The following PRKACB variants were observed in gnomAD, a reference collection of about 807,000 sequenced individuals.
The protein encoded by PRKACB is protein kinase cAMP-activated catalytic subunit beta.
In PRKACB, 16 loss-of-function variants were observed where a neutral mutation model predicts 51.4. The ratio of observed to expected loss-of-function variants is 0.31; its 90% CI spans 0.21 to 0.47. The LOEUF is 0.47. PRKACB is among the 20% of genes least tolerant of loss of function. PRKACB has a pLI of 1.00. For synonymous variants in PRKACB, 147 were observed against 154.4 expected (o/e 0.95, Z 0.35); for missense variants, 309 against 464.5 (o/e 0.67, Z 3.08).
chr1:84,234,678 C>G (rs992814095), intron 9 of PRKACB, among the ~76,000 whole-genome samples: 1 of 151,938 alleles, frequency 6.6e-6, no homozygotes. Flanking sequence ...CCTGATTTTC[C>G]AGGTGCCGTC....
intron 1 of PRKACB, among the ~76,000 whole-genome samples, chr1:84,126,520 G>T (rs548712655): frequency 1.3e-5 from 2 of 152,252 alleles, no homozygotes; most frequent in African/African-American, 4.8e-5. Context: ...CACTCTGCTG[G>T]TGGGGCTTGG....
chr1:84,185,292 C>A, intron 5 of PRKACB, 110 bp downstream of exon 5: 1 of 713,272 alleles, frequency 1.4e-6, no homozygotes, highest in Non-Finnish European at 2.3e-6. Context: ...AATATTTTGG[C>A]CATATGAAGC....
At chr1:84,229,063 C>A (rs1184291803) in intron 9 of PRKACB, among the ~76,000 whole-genome samples, 1 of 141,922 alleles carries the variant, frequency 7.0e-6, no homozygotes, top group Non-Finnish European at 1.5e-5. Context: ...GTATATCTCC[C>A]AATGCTATCC....
intron 1 of PRKACB, among the ~76,000 whole-genome samples, chr1:84,165,503 A>C (rs1326425787): frequency 3.3e-5 from 5 of 151,756 alleles, no homozygotes; most frequent in Non-Finnish European, 7.4e-5. Flanking sequence ...CCTACAATTT[A>C]TTGAGAAATA....
rs902777243 is a variant in PRKACB at position 84,205,317 on chromosome 1, C to G, written c.906+2512C>G. ...CTCAAATTCAAACTAGAATGTGTCT[C>G]TATTCACATTGCAAAAATATTATTG... On this transcript the variant is annotated intron_variant, in intron 8 of 9. Coordinates refer to ENST00000370685, the MANE Select transcript of PRKACB (RefSeq NM_182948.4). 3.2e-6 allele frequency: 3 copies of G among 942,362 alleles called. No homozygotes were observed. The East Asian group carries it at 3.5e-4, about 110-fold the overall frequency. The allele number at this position is 942,362 out of a possible 1,614,324, so 58.4% of individuals were successfully genotyped here. A position where few individuals can be genotyped will look rare whatever the true frequency, so the allele number is the denominator to read the frequency against.
At chr1:84,232,311 T>C (rs1163311461) in intron 9 of PRKACB, among the ~76,000 whole-genome samples, 1 of 152,180 alleles carries the variant, frequency 6.6e-6, no homozygotes, top group East Asian at 1.9e-4. Context: ...TCTGTTCTTT[T>C]ACATTTGCTG....
intron 7 of PRKACB, among the ~76,000 whole-genome samples, chr1:84,199,024 TAC>T (rs1669100169): frequency 6.8e-6 from 1 of 148,062 alleles, no homozygotes; most frequent in Non-Finnish European, 1.5e-5. Context: ...TGCGTATATA[TAC>T]ACATATATAC....
At chr1:84,078,646 C>T (rs148963792) in intron 1 of PRKACB, among the ~76,000 whole-genome samples, 6 of 152,286 alleles carry the variant, frequency 3.9e-5, no homozygotes, top group Admixed American at 3.3e-4. Flanking sequence ...AGGACTTGCA[C>T]ACGTTCTGGA....
intron 1 of PRKACB, among the ~76,000 whole-genome samples, chr1:84,117,321 G>A (rs1650714671): frequency 6.6e-6 from 1 of 152,000 alleles, no homozygotes. Context: ...CTTGTAGAAT[G>A]AGTTAGGGAG....
At position 84,115,611 on chromosome 1, in the gene PRKACB, G is replaced by A. The variant is rs143233768; in HGVS notation, c.46+37240G>A. 7.3e-5 allele frequency among the ~76,000 whole-genome samples: 11 copies of A among 151,724 alleles called. No homozygotes were observed. In the East Asian group the frequency reaches 1.8e-3, roughly 24 times the overall value. Reference sequence around the variant, plus strand: ...TAAATTCTTTGCCTAGGCCAGGTGCGGTGGCTCACGCCTATAATCTCAGCA... The same window carrying A: ...TAAATTCTTTGCCTAGGCCAGGTGCAGTGGCTCACGCCTATAATCTCAGCA... On this transcript the variant is annotated intron_variant, in intron 1 of 8. Transcript: ENST00000370688.
chr1:84,192,956 A>G (rs1667219954), intron 5 of PRKACB, among the ~76,000 whole-genome samples: 1 of 152,186 alleles, frequency 6.6e-6, no homozygotes, highest in African/African-American at 2.4e-5. Flanking sequence ...CCAAATAAAC[A>G]CAAGCACCAA....
intron 1 of PRKACB, among the ~76,000 whole-genome samples, chr1:84,166,419 G>A (rs544354906): frequency 1.3e-5 from 2 of 151,760 alleles, no homozygotes; most frequent in South Asian, 2.1e-4. Context: ...GGATGGATTG[G>A]ATTTAGCTGA....
At chr1:84,153,716 T>C (rs1011577194) in intron 1 of PRKACB, among the ~76,000 whole-genome samples, 7 of 152,186 alleles carry the variant, frequency 4.6e-5, no homozygotes, top group Non-Finnish European at 1.0e-4. Context: ...TCTTCCAGGT[T>C]CATTCACTCT....
At chr1:84,123,185 A>T (rs940186823) in intron 1 of PRKACB, among the ~76,000 whole-genome samples, 11 of 152,120 alleles carry the variant, frequency 7.2e-5, no homozygotes, top group African/African-American at 2.4e-4. Context: ...ATTGGAATAG[A>T]ATACCACATA....
intron 1 of PRKACB, among the ~76,000 whole-genome samples, chr1:84,130,937 AG>A (rs1356186820): frequency 6.6e-6 from 1 of 152,230 alleles, no homozygotes; most frequent in Non-Finnish European, 1.5e-5. Flanking sequence ...AGAAATAAAA[AG>A]TTAACAATAT....
Position 84,237,646 on chromosome 1 carries a change from A to G in PRKACB, c.*2341A>G, listed in dbSNP as rs2101744538. 6.6e-6 allele frequency: 1 copy of G among 152,324 alleles called. No individual in the cohort carries two copies. The highest frequency in any genetic ancestry group is 1.9e-4 in the East Asian group (1 of 5,190). The allele number at this position is 152,324 out of a possible 1,614,324, so 9.4% of individuals were successfully genotyped here. Reference sequence around the variant, plus strand: ...TTAGAATATTTTTAAAGTATGTAACATTCCCAGTTTCAGCCACAATTTAGC... The same window carrying G: ...TTAGAATATTTTTAAAGTATGTAACGTTCCCAGTTTCAGCCACAATTTAGC... On this transcript the variant is annotated 3_prime_UTR_variant, in exon 10 of 10. Transcript: ENST00000370685.
intron 5 of PRKACB, among the ~76,000 whole-genome samples, chr1:84,185,945 CAG>C (rs1664962490): frequency 6.6e-6 from 1 of 152,120 alleles, no homozygotes; most frequent in Non-Finnish European, 1.5e-5. Flanking sequence ...GGCATATACA[CAG>C]ACTAGGTGGT....
intron 1 of PRKACB, among the ~76,000 whole-genome samples, chr1:84,104,121 C>A (rs372804820): frequency 6.6e-6 from 1 of 152,082 alleles, no homozygotes; most frequent in Non-Finnish European, 1.5e-5. Flanking sequence ...TCTGTAGTAA[C>A]CCACAATTAT....
chr1:84,235,650 T>C lies in PRKACB; in HGVS notation c.*345T>C, dbSNP rs1676598816. 2.6e-5 allele frequency: 5 copies of C among 189,160 alleles called. No individual in the cohort carries two copies. The highest frequency in any genetic ancestry group is 5.4e-5 in the Non-Finnish European group (5 of 92,428). The allele number at this position is 189,160 out of a possible 1,614,324, so 11.7% of individuals were successfully genotyped here. On this transcript the variant is annotated 3_prime_UTR_variant, in exon 10 of 10. Coordinates refer to ENST00000370685, the MANE Select transcript of PRKACB (RefSeq NM_182948.4). Reference sequence around the variant, plus strand: ...TTTTGTTGGTGTTTCAGATGGGCAGTGTTATGGCTACGTGATATTTGAAGG... The same window carrying C: ...TTTTGTTGGTGTTTCAGATGGGCAGCGTTATGGCTACGTGATATTTGAAGG...
Sources: allele counts gnomAD v4.1 joint callset (sites outside exome capture counted in the v4.1 genomes callset), GRCh38; gene constraint gnomAD v4.1.1; transcripts MANE v1.5; gene names NCBI Gene and HGNC (gene_info 2026-07-23, HGNC 2026-07-21).